Variants in RAB11FIP1 observed in about 807,000 individuals in gnomAD.
RAB11FIP1 encodes the protein RAB11 family interacting protein 1.
RAB11FIP1 carries 49 observed loss-of-function variants against 83.1 expected under a neutral mutation model. The ratio of observed to expected loss-of-function variants is 0.59; its 90% CI spans 0.47 to 0.75. The LOEUF (loss-of-function observed/expected upper bound fraction) is 0.75. RAB11FIP1 is among the 30% of genes least tolerant of loss of function. The probability of loss-of-function intolerance (pLI) is 0.00; values close to 1 mark genes in which losing one functional copy is unlikely to be tolerated. For missense variants in RAB11FIP1, 1,536 were observed against 1,598.7 expected (o/e 0.96, Z 0.67); for synonymous variants, 670 against 656.0 (o/e 1.02, Z -0.33).
At chr8:37,875,714 T>C (rs1174205206) in intron 2 of RAB11FIP1, among the ~76,000 whole-genome samples, 3 of 151,914 alleles carry the variant, frequency 2.0e-5, no homozygotes, top group Non-Finnish European at 2.9e-5. Flanking sequence ...TAAGGCTATA[T>C]CCCACGAGGG....
Position 37,871,603 on chromosome 8 carries a change from G to A in RAB11FIP1, c.3199C>T (p.Pro1067Ser), listed in dbSNP as rs748289589. The change falls in exon 4 of 6, where the codon CCA (proline) becomes TCA (serine). Residue 1067 changes from proline (P) to serine (S), a missense_variant. Coordinates refer to ENST00000330843, the MANE Select transcript of RAB11FIP1 (RefSeq NM_001002814.3). ...TCTTCCTCACCACCACTGGGGCCTGGCAGCTGTTTATCCAAGCTTGAGCTC... is the reference window on the plus strand; with the variant it reads ...TCTTCCTCACCACCACTGGGGCCTGACAGCTGTTTATCCAAGCTTGAGCTC... ...GKSSSLDKQL[P>S]GPSGGEEEKP... is the part of the protein sequence containing the mutation. 20 of 1,603,320 alleles carry A rather than the reference G, an allele frequency of 1.2e-5. No homozygotes were observed. The highest frequency in any genetic ancestry group is 9.4e-6 in the Non-Finnish European group (11 of 1,173,014).
Position 37,888,898 on chromosome 8 carries a change from C to T in RAB11FIP1, c.371+10173G>A, listed in dbSNP as rs566143522. Among the ~76,000 whole-genome samples, 20 of 150,358 alleles carry T rather than the reference C, an allele frequency of 1.3e-4. No individual in the cohort carries two copies. The South Asian group carries it at 2.3e-3, about 17-fold the overall frequency. ...CTGCAAGCTCCACCTCCTGGGTTCA[C>T]GCCATTCTCCTGCCTCAGCCTCCTG... On this transcript the variant is annotated intron_variant, in intron 1 of 5. Transcript: ENST00000330843.
At chr8:37,868,083 T>C (rs954470896) in intron 5 of RAB11FIP1, among the ~76,000 whole-genome samples, 2 of 152,040 alleles carry the variant, frequency 1.3e-5, no homozygotes, top group East Asian at 1.9e-4. Context: ...TGAATAGCCA[T>C]TGCCCGCCAG....
intron 2 of RAB11FIP1, among the ~76,000 whole-genome samples, chr8:37,876,841 A>G (rs367927773): frequency 4.6e-5 from 7 of 151,872 alleles, no homozygotes; most frequent in Middle Eastern, 3.4e-3. Context: ...GGGTTTCACC[A>G]TGTTGCCCAG....
chr8:37,876,983 C>A (rs1221010609), intron 2 of RAB11FIP1, 126 bp downstream of exon 2: 1 of 756,092 alleles, frequency 1.3e-6, no homozygotes, highest in Non-Finnish European at 2.1e-6. Context: ...ATCCCCACCA[C>A]CATGATTTTG....
chr8:37,893,225 C>T (rs926707669), intron 1 of RAB11FIP1, among the ~76,000 whole-genome samples: 10 of 151,962 alleles, frequency 6.6e-5, no homozygotes, highest in Non-Finnish European at 1.2e-4. Flanking sequence ...CAGGTGCACA[C>T]GACCACACTC....
At chr8:37,876,214 A>AAGGAAGGAAGGAAGG in intron 2 of RAB11FIP1, among the ~76,000 whole-genome samples, 1 of 128,384 alleles carries the variant, frequency 7.8e-6, no homozygotes, top group East Asian at 2.3e-4. Flanking sequence ...GAAAAGAAAG[A>AAGGAAGGAAGGAAGG]AAGGAAGGAA....
At chr8:37,892,181 CAT>C (rs1428477532) in intron 1 of RAB11FIP1, among the ~76,000 whole-genome samples, 1 of 152,136 alleles carries the variant, frequency 6.6e-6, no homozygotes, top group African/African-American at 2.4e-5. Flanking sequence ...TCCAATCCAT[CAT>C]ATGTCAGGTC....
Position 37,874,898 on chromosome 8 carries a change from G to T in RAB11FIP1, c.1239C>A (p.Ala413=). 6.2e-7 allele frequency: 1 copy of T among 1,614,124 alleles called. No homozygotes were observed. Among genetic ancestry groups the T allele is most frequent in the Non-Finnish European group, 8.5e-7 (1 of 1,180,030 alleles). ...CTTTTGTGGCCTCTGAGTTTGCGGG[G>T]GCCATGTTTTCCCTGAGGTCCCCAC... ...LVSGDLRENM[A]PANSEATKEA... is the part of the protein sequence containing the mutation. The change falls in exon 3 of 6, where the codon GCC becomes GCA. Residue 413 remains alanine (A), a synonymous_variant. Coordinates refer to ENST00000330843, the MANE Select transcript of RAB11FIP1 (RefSeq NM_001002814.3).
At chr8:37,876,993 G>A (rs1806626732) in intron 2 of RAB11FIP1, 116 bp downstream of exon 2, 2 of 794,498 alleles carry the variant, frequency 2.5e-6, no homozygotes, top group Admixed American at 2.8e-5. Flanking sequence ...CCATGATTTT[G>A]TAATTGAGGA....
intron 1 of RAB11FIP1, among the ~76,000 whole-genome samples, chr8:37,897,475 G>T (rs1259648137): frequency 1.4e-5 from 2 of 146,466 alleles, no homozygotes; most frequent in Non-Finnish European, 3.0e-5. Context: ...ATCGAGGCTA[G>T]CTTTGGCATA....
At chr8:37,889,604 AC>A (rs1806906368) in intron 1 of RAB11FIP1, among the ~76,000 whole-genome samples, 1 of 152,146 alleles carries the variant, frequency 6.6e-6, no homozygotes. Context: ...TTGGTTCACC[AC>A]CCCTTAACCA....
Position 37,871,267 on chromosome 8 carries a change from C to A in RAB11FIP1, c.3524+11G>T. On this transcript the variant is annotated intron_variant, in intron 4 of 5. Coordinates refer to ENST00000330843, the MANE Select transcript of RAB11FIP1 (RefSeq NM_001002814.3). ...CTCACATTTACATAGACAATCTCCC[C>A]CATCTCTCACCTGTGCTTGGCTGAC... 1 of 1,590,354 alleles carries A rather than the reference C, an allele frequency of 6.3e-7. No homozygotes were observed. Among genetic ancestry groups the A allele is most frequent in the South Asian group, 1.1e-5 (1 of 87,368 alleles).
chr8:37,876,887 T>C (rs1806624591), intron 2 of RAB11FIP1, among the ~76,000 whole-genome samples: 2 of 152,046 alleles, frequency 1.3e-5, no homozygotes, highest in Admixed American at 1.3e-4. Context: ...GCAATCTGCC[T>C]GCCTCAGCCT....
Position 37,871,809 on chromosome 8 carries a change from G to C in RAB11FIP1, c.2993C>G (p.Ala998Gly). 6.2e-7 allele frequency: 1 copy of C among 1,614,130 alleles called. No individual in the cohort carries two copies. The highest frequency in any genetic ancestry group is 8.5e-7 in the Non-Finnish European group (1 of 1,180,010). ...GGGGACTACCAAGCCCAAGGACAAA[G>C]CTCCTATGTCCAGAGTTGACGACTT... Reference protein sequence around the residue: ...TAKSSTLDIGALSLGLVVPCP... With the variant: ...TAKSSTLDIGGLSLGLVVPCP... The change falls in exon 4 of 6, where the codon GCT (alanine) becomes GGT (glycine). Residue 998 changes from alanine to glycine, a missense_variant. Coordinates refer to ENST00000330843, the MANE Select transcript of RAB11FIP1 (RefSeq NM_001002814.3).
chr8:37,888,841 A>C (rs1276571372), intron 1 of RAB11FIP1, among the ~76,000 whole-genome samples: 1 of 115,614 alleles, frequency 8.6e-6, no homozygotes, highest in South Asian at 2.6e-4. Context: ...TTTTTTGCCC[A>C]GGCCGGACTG....
intron 1 of RAB11FIP1, among the ~76,000 whole-genome samples, chr8:37,881,573 G>T (rs1460352110): frequency 1.3e-5 from 2 of 152,200 alleles, no homozygotes; most frequent in Non-Finnish European, 2.9e-5. Flanking sequence ...ACAGCAAGGA[G>T]AGGATAAAAT....
chr8:37,877,257 G>A lies in RAB11FIP1; in HGVS notation c.666C>T (p.Ser222=), dbSNP rs1806635927. Residue 222 remains serine (S), a synonymous_variant, in exon 2 of 6, where the codon TCC becomes TCT. Coordinates refer to ENST00000330843, the MANE Select transcript of RAB11FIP1 (RefSeq NM_001002814.3). ...GAGGCGTCTTCTGCAAATTTGACTT[G>A]GAAAGTAAGGTCTTGATCTTTGATT... ...KKKSKIKTLL[S]KSNLQKTPLS... The A allele has an allele frequency of 1.2e-6, 2 of 1,614,136 alleles. No individual in the cohort carries two copies. Among genetic ancestry groups the A allele is most frequent in the Non-Finnish European group, 8.5e-7 (1 of 1,180,024 alleles).
rs1351991695 is a variant in RAB11FIP1 at position 37,872,901 on chromosome 8, G to A, written c.1901C>T (p.Ala634Val). 2.5e-6 allele frequency: 4 copies of A among 1,614,220 alleles called. No homozygotes were observed. The East Asian group carries it at 6.7e-5, about 27-fold the overall frequency. The change falls in exon 4 of 6, where the codon GCA becomes GTA. Residue 634 changes from alanine to valine, a missense_variant. By Grantham distance (64) the Ala-to-Val change is moderately conservative. Coordinates refer to ENST00000330843, the MANE Select transcript of RAB11FIP1 (RefSeq NM_001002814.3). ...KSEGPPLLPK[A>V]ELQTESLTPV... ...TGTTAAACTCTCAGTTTGCAACTCT[G>A]CCTTAGGGAGCAAGGGTGGTCCTTC...
Sources: allele counts gnomAD v4.1 joint callset (sites outside exome capture counted in the v4.1 genomes callset), GRCh38; gene constraint gnomAD v4.1.1; transcripts MANE v1.5; gene names NCBI Gene and HGNC (gene_info 2026-07-23, HGNC 2026-07-21).